SGCZ: variants seen among roughly 807,000 people sequenced by gnomAD.
SGCZ encodes zeta-sarcoglycan.
In SGCZ, 40 loss-of-function variants were observed where a neutral mutation model predicts 41.3. That is an observed-to-expected ratio of 0.97 (90% confidence interval 0.75 to 1.26). The LOEUF (loss-of-function observed/expected upper bound fraction) is 1.26. SGCZ is among the 50% of genes most tolerant of loss of function. SGCZ has a pLI of 0.00. For synonymous variants in SGCZ, 206 were observed against 137.5 expected (o/e 1.50, Z -3.49); for missense variants, 552 against 369.8 (o/e 1.49, Z -4.04).
At chr8:15,025,701 G>A (rs1803429256) in intron 1 of SGCZ, among the ~76,000 whole-genome samples, 9 of 152,054 alleles carry the variant, frequency 5.9e-5, no homozygotes. Flanking sequence ...TATTATCATG[G>A]GTATGGAGAG....
chr8:15,199,690 T>C (rs1488224250), intron 1 of SGCZ, among the ~76,000 whole-genome samples: 4 of 152,128 alleles, frequency 2.6e-5, no homozygotes. Flanking sequence ...GTCAATAATA[T>C]CAAAGTAGAA....
intron 2 of SGCZ, among the ~76,000 whole-genome samples, chr8:14,436,090 C>T (rs1488986642): frequency 3.3e-5 from 5 of 152,192 alleles, no homozygotes; most frequent in African/African-American, 1.2e-4. Flanking sequence ...TAGAGAAATG[C>T]AGTGGATGTC....
chr8:14,808,332 T>C (rs1801619420), intron 1 of SGCZ, among the ~76,000 whole-genome samples: 1 of 152,042 alleles, frequency 6.6e-6, no homozygotes, highest in Non-Finnish European at 1.5e-5. Flanking sequence ...AACCTACTCA[T>C]CTGACAAAGG....
intron 1 of SGCZ, among the ~76,000 whole-genome samples, chr8:14,621,943 T>A (rs529413102): frequency 1.4e-4 from 21 of 152,202 alleles, no homozygotes; most frequent in African/African-American, 4.1e-4. Flanking sequence ...CCATACAGAC[T>A]TATGGTTTGG....
At chr8:14,973,068 T>TA (rs1801353183) in intron 1 of SGCZ, among the ~76,000 whole-genome samples, 2 of 152,228 alleles carry the variant, frequency 1.3e-5, no homozygotes, top group South Asian at 4.1e-4. Context: ...TGCATACTCT[T>TA]AACATTCTCA....
intron 1 of SGCZ, among the ~76,000 whole-genome samples, chr8:14,897,115 T>C (rs1805230920): frequency 6.6e-6 from 1 of 152,174 alleles, no homozygotes; most frequent in Non-Finnish European, 1.5e-5. Context: ...TAGTCCTTGC[T>C]TTTCACATCT....
chr8:14,463,711 G>C (rs1800968671), intron 2 of SGCZ, among the ~76,000 whole-genome samples: 1 of 151,656 alleles, frequency 6.6e-6, no homozygotes, highest in Non-Finnish European at 1.5e-5. Context: ...TGACCTAAAA[G>C]TAAAAGCATT....
At chr8:14,437,608 T>A (rs1485193517) in intron 2 of SGCZ, among the ~76,000 whole-genome samples, 2 of 152,144 alleles carry the variant, frequency 1.3e-5, no homozygotes, top group East Asian at 1.9e-4. Context: ...TTTTAATTTT[T>A]AATAAATATC....
chr8:14,893,772 A>G (rs1432114796), intron 1 of SGCZ, among the ~76,000 whole-genome samples: 1 of 152,204 alleles, frequency 6.6e-6, no homozygotes, highest in Non-Finnish European at 1.5e-5. Context: ...ACAACATGTT[A>G]AACAATTTTA....
chr8:15,060,579 G>A (rs1425119108), intron 1 of SGCZ, among the ~76,000 whole-genome samples: 4 of 150,726 alleles, frequency 2.7e-5, no homozygotes, highest in East Asian at 3.9e-4. Context: ...TGTAAATGAC[G>A]AGTTAATGGG....
At chr8:14,574,415 C>T (rs1804648293) in intron 1 of SGCZ, among the ~76,000 whole-genome samples, 1 of 152,024 alleles carries the variant, frequency 6.6e-6, no homozygotes, top group Non-Finnish European at 1.5e-5. Flanking sequence ...CTCTAACTTT[C>T]CCCCAGCTTT....
At chr8:14,191,339 GATACAAC>G (rs1358288847) in intron 4 of SGCZ, among the ~76,000 whole-genome samples, 3 of 151,994 alleles carry the variant, frequency 2.0e-5, no homozygotes, top group Non-Finnish European at 4.4e-5. Context: ...TTTTTAGTTT[GATACAAC>G]CTCACTTATT....
chr8:14,408,355 G>T (rs970501605), intron 2 of SGCZ, among the ~76,000 whole-genome samples: 1 of 152,088 alleles, frequency 6.6e-6, no homozygotes, highest in Non-Finnish European at 1.5e-5. Context: ...CAACGTCCTA[G>T]AAAGCACCAT....
chr8:14,187,743 G>A (rs1223378193), intron 4 of SGCZ, among the ~76,000 whole-genome samples: 1 of 152,040 alleles, frequency 6.6e-6, no homozygotes, highest in Non-Finnish European at 1.5e-5. Flanking sequence ...TAGGAATACC[G>A]GAGTAGAGGA....
intron 1 of SGCZ, among the ~76,000 whole-genome samples, chr8:14,837,812 CATAAT>C (rs1169459111): frequency 1.3e-5 from 2 of 151,868 alleles, no homozygotes; most frequent in Non-Finnish European, 2.9e-5. Context: ...ACATAATAGT[CATAAT>C]ATATTTAGGG....
intron 4 of SGCZ, among the ~76,000 whole-genome samples, chr8:14,211,630 C>G (rs546830136): frequency 4.7e-4 from 71 of 151,192 alleles, no homozygotes; most frequent in Non-Finnish European, 1.0e-4. Context: ...CAGGGAAGCA[C>G]GTCTTACCAC....
chr8:14,238,266 G>T (rs1039203074), intron 3 of SGCZ, among the ~76,000 whole-genome samples: 1 of 152,108 alleles, frequency 6.6e-6, no homozygotes, highest in South Asian at 2.1e-4. Flanking sequence ...CCAGGGACAG[G>T]AACCATGACA....
intron 5 of SGCZ, among the ~76,000 whole-genome samples, chr8:14,134,706 A>G (rs1014503209): frequency 6.6e-6 from 1 of 152,084 alleles, no homozygotes; most frequent in Non-Finnish European, 1.5e-5. Flanking sequence ...CTCTCAGCCT[A>G]TCTGTATAGG....
chr8:14,112,295 G>A (rs557226333), intron 5 of SGCZ, among the ~76,000 whole-genome samples: 115 of 143,636 alleles, frequency 8.0e-4, no homozygotes, highest in African/African-American at 2.8e-3. Flanking sequence ...GGGGGGGGGT[G>A]CAAAGAAGGG....
Sources: gnomAD v4.1 joint callset for allele counts (sites outside exome capture counted in the v4.1 genomes callset) on GRCh38, gnomAD v4.1.1 for gene constraint, MANE v1.5 for transcripts, NCBI Gene and HGNC (gene_info 2026-07-23, HGNC 2026-07-21) for gene names.